Variants in MKRN1 observed in about 807,000 individuals in gnomAD.
MKRN1 encodes the protein makorin ring finger protein 1, also known as E3 ubiquitin-protein ligase makorin-1.
A neutral mutation model predicts 55.5 loss-of-function variants in MKRN1; 9 were observed. The ratio of observed to expected loss-of-function variants is 0.16; its 90% CI spans 0.10 to 0.28. The LOEUF is 0.28. Ranked by LOEUF, MKRN1 falls within the 10% of genes least tolerant of loss-of-function variation. The probability of loss-of-function intolerance (pLI) is 1.00; values close to 1 mark genes in which losing one functional copy is unlikely to be tolerated. For synonymous variants in MKRN1, 253 were observed against 235.9 expected (o/e 1.07, Z -0.66); for missense variants, 488 against 626.7 (o/e 0.78, Z 2.36).
intron 1 of MKRN1, among the ~76,000 whole-genome samples, chr7:140,477,803 G>C (rs1795171308): frequency 6.6e-6 from 1 of 152,216 alleles, no homozygotes; most frequent in Non-Finnish European, 1.5e-5. Context: ...GATGTAACTA[G>C]CACATATAGA....
chr7:140,479,039 A>T, intron 1 of MKRN1, 121 bp downstream of exon 1: 1 of 1,175,294 alleles, frequency 8.5e-7, no homozygotes, highest in Non-Finnish European at 1.1e-6. Context: ...GATCGAGACA[A>T]CGCCGGTCCC....
At chr7:140,456,937 G>A in intron 4 of MKRN1, 71 bp from the exon 5 acceptor site, 2 of 1,412,626 alleles carry the variant, frequency 1.4e-6, no homozygotes, top group Non-Finnish European at 2.0e-6. Context: ...AACAGTTAAT[G>A]ATTCACAGTC....
chr7:140,477,454 GAGA>G (rs1196807078), intron 1 of MKRN1, among the ~76,000 whole-genome samples: 10 of 152,162 alleles, frequency 6.6e-5, no homozygotes, highest in Non-Finnish European at 1.3e-4. Context: ...CGGAGTAGCT[GAGA>G]TTACAAGCGC....
intron 2 of MKRN1, among the ~76,000 whole-genome samples, chr7:140,461,101 G>C (rs1229352340): frequency 6.6e-6 from 1 of 152,196 alleles, no homozygotes; most frequent in Non-Finnish European, 1.5e-5. Context: ...AAGCAAGGCT[G>C]ACACAAGGTC....
Position 140,479,420 on chromosome 7 carries a change from CG to C in MKRN1, c.-77del. Reference sequence around the variant, plus strand: ...TTCCGGTCCGGCTGCGGGGAGAGGACGGCGAGGCCAGGCGAGGGGAGGGGAA... The same window carrying C: ...TTCCGGTCCGGCTGCGGGGAGAGGACGCGAGGCCAGGCGAGGGGAGGGGAA... On this transcript the variant is annotated 5_prime_UTR_variant, in exon 1 of 8. Transcript: ENST00000255977. The C allele has an allele frequency of 2.4e-6, 3 of 1,247,252 alleles. No homozygotes were observed. The East Asian group carries it at 9.5e-5, about 39-fold the overall frequency. The allele number at this position is 1,247,252 out of a possible 1,614,324, so 77.3% of individuals were successfully genotyped here.
At chr7:140,467,914 A>G (rs1794817743) in intron 2 of MKRN1, among the ~76,000 whole-genome samples, 1 of 150,262 alleles carries the variant, frequency 6.7e-6, no homozygotes, top group Non-Finnish European at 1.5e-5. Context: ...AGGCAGGACA[A>G]TCACTTGAAC....
chr7:140,454,988 C>T lies in MKRN1; in HGVS notation c.1236+107G>A, dbSNP rs780626165. The T allele has an allele frequency of 4.1e-5, 60 of 1,451,262 alleles. 1 individual carries two copies. Among genetic ancestry groups the T allele is most frequent in the South Asian group, 1.4e-4 (11 of 77,188 alleles). The allele number at this position is 1,451,262 out of a possible 1,614,324, so 89.9% of individuals were successfully genotyped here. On this transcript the variant is annotated intron_variant, in intron 7 of 7. Coordinates refer to ENST00000255977, the MANE Select transcript of MKRN1 (RefSeq NM_013446.4). ...TTCCTCCTTTAATACTCTACACTTTCGCTCCCAGACCTGAGCGTTAACCTT... is the reference window on the plus strand; with the variant it reads ...TTCCTCCTTTAATACTCTACACTTTTGCTCCCAGACCTGAGCGTTAACCTT...
chr7:140,455,061 A>T, intron 7 of MKRN1, 34 bp downstream of exon 7: 1 of 1,609,730 alleles, frequency 6.2e-7, no homozygotes, highest in Non-Finnish European at 8.5e-7. Flanking sequence ...ATACCTTGGA[A>T]TTTCCCCTCC....
chr7:140,467,008 G>A (rs1037601034), intron 2 of MKRN1, among the ~76,000 whole-genome samples: 1 of 148,428 alleles, frequency 6.7e-6, no homozygotes. Flanking sequence ...ACAGAGTTTC[G>A]CTCTTGTTGC....
At chr7:140,463,323 C>T (rs1172461779) in intron 2 of MKRN1, among the ~76,000 whole-genome samples, 1 of 152,140 alleles carries the variant, frequency 6.6e-6, no homozygotes, top group African/African-American at 2.4e-5. Context: ...CCTCACTGTC[C>T]TACTAAGTGA....
intron 1 of MKRN1, chr7:140,474,378 C>A: frequency 3.4e-6 from 1 of 290,436 alleles, no homozygotes. Flanking sequence ...TGGTGGCACA[C>A]ACCTGTAGTC....
chr7:140,467,545 C>T (rs913365196), intron 2 of MKRN1, among the ~76,000 whole-genome samples: 6 of 152,008 alleles, frequency 3.9e-5, no homozygotes, highest in East Asian at 3.9e-4. Context: ...CCCAAAAGCG[C>T]GGGGATGACA....
At chr7:140,471,380 AAAAT>A (rs1253980410) in intron 2 of MKRN1, among the ~76,000 whole-genome samples, 6 of 152,098 alleles carry the variant, frequency 3.9e-5, no homozygotes, top group African/African-American at 9.7e-5. Context: ...CTGTCTCAAA[AAAAT>A]AAATAAAAAA....
At chr7:140,474,033 G>GAAAGAA (rs1795035315) in intron 1 of MKRN1, among the ~76,000 whole-genome samples, 1 of 61,480 alleles carries the variant, frequency 1.6e-5, no homozygotes, top group Non-Finnish European at 2.8e-5. Flanking sequence ...AAGAAAGAAA[G>GAAAGAA]AAAGAAAGAA....
intron 1 of MKRN1, among the ~76,000 whole-genome samples, chr7:140,476,518 C>G (rs1395251730): frequency 7.2e-6 from 1 of 138,908 alleles, no homozygotes. Context: ...CTGTTAAGTA[C>G]TTTGTCTTTG....
intron 5 of MKRN1, chr7:140,456,321 GAAATGTAA>G: frequency 8.3e-7 from 1 of 1,209,568 alleles, no homozygotes; most frequent in Non-Finnish European, 1.0e-6. Context: ...TAGGAAAGTG[GAAATGTAA>G]AACGTCAGGA....
rs1270802767 is a variant in MKRN1, at chr7:140,453,637, A to G, written c.*880T>C. Reference sequence around the variant, plus strand: ...TGGCTAACCCCATTTCTCTATTTATATAGACAGAGCTAGCACTGCTATATT... The same window carrying G: ...TGGCTAACCCCATTTCTCTATTTATGTAGACAGAGCTAGCACTGCTATATT... On this transcript the variant is annotated 3_prime_UTR_variant, in exon 8 of 8. Transcript: ENST00000255977. 2 of 152,314 alleles carry G rather than the reference A, an allele frequency of 1.3e-5. No homozygotes were observed. Among genetic ancestry groups the G allele is most frequent in the Non-Finnish European group, 2.9e-5 (2 of 68,038 alleles). 9.4% of individuals were successfully genotyped at this position (152,314 alleles called of 1,614,324 possible). A position where few individuals can be genotyped will look rare whatever the true frequency, so the allele number is the denominator to read the frequency against.
At chr7:140,456,363 G>A in intron 5 of MKRN1, 1 of 1,281,698 alleles carries the variant, frequency 7.8e-7, no homozygotes, top group East Asian at 3.9e-5. Context: ...AGCTAGATCA[G>A]TTTGTTCACT....
chr7:140,463,650 C>T (rs574547567), intron 2 of MKRN1, among the ~76,000 whole-genome samples: 3 of 152,150 alleles, frequency 2.0e-5, no homozygotes, highest in Admixed American at 1.3e-4. Context: ...CTTTGGGAGG[C>T]CAAGGTGGGC....
Sources: gnomAD v4.1 joint callset for allele counts (sites outside exome capture counted in the v4.1 genomes callset) on GRCh38, gnomAD v4.1.1 for gene constraint, MANE v1.5 for transcripts, NCBI Gene and HGNC (gene_info 2026-07-23, HGNC 2026-07-21) for gene names.